The following NCOA6 variants were observed in gnomAD, a reference collection of about 807,000 sequenced individuals.
NCOA6 encodes the protein nuclear receptor coactivator 6.
Under a neutral mutation model 171.4 loss-of-function variants are expected in NCOA6, and 49 were observed. The observed-to-expected ratio is 0.29, with a 90% CI of 0.23 to 0.36. The LOEUF is 0.36. Among genes scored for constraint, NCOA6 ranks in the 10% least tolerant of loss-of-function variants. NCOA6 has a pLI of 1.00. For missense variants in NCOA6, 2,248 were observed against 2,554.5 expected (o/e 0.88, Z 2.59); for synonymous variants, 910 against 927.5 (o/e 0.98, Z 0.34).
chr20:34,817,855 TC>T (rs1265214708), intron 1 of NCOA6, among the ~76,000 whole-genome samples: 1 of 152,172 alleles, frequency 6.6e-6, no homozygotes, highest in Non-Finnish European at 1.5e-5. Flanking sequence ...AGGCTTCCTT[TC>T]CTAACGTACA....
chr20:34,808,485 C>CTGGA (rs1428207375), intron 1 of NCOA6, among the ~76,000 whole-genome samples: 1 of 143,006 alleles, frequency 7.0e-6, no homozygotes, highest in African/African-American at 2.6e-5. Context: ...GTTGCTCAGG[C>CTGGA]TGGAGTGCAA....
At chr20:34,778,181 C>T (rs997181070) in intron 3 of NCOA6, among the ~76,000 whole-genome samples, 6 of 152,204 alleles carry the variant, frequency 3.9e-5, no homozygotes, top group Admixed American at 2.6e-4. Context: ...GGATTACAGG[C>T]GTGAGCCACT....
chr20:34,796,003 A>ATTTTTT (rs569229378), intron 1 of NCOA6, among the ~76,000 whole-genome samples: 25 of 95,764 alleles, frequency 2.6e-4, no homozygotes, highest in Non-Finnish European at 3.9e-4. Flanking sequence ...ATATGTTTGA[A>ATTTTTT]TTTTTTTTTT....
chr20:34,727,196 G>A, intron 14 of NCOA6, 63 bp downstream of exon 14: 1 of 1,551,714 alleles, frequency 6.4e-7, no homozygotes, highest in Non-Finnish European at 8.8e-7. Context: ...GTCTTCTACT[G>A]CTGTGGTAAG....
Position 34,750,465 on chromosome 20 carries a change from G to C in NCOA6, c.1730C>G (p.Pro577Arg). The C allele has an allele frequency of 1.2e-6, 2 of 1,613,512 alleles. No individual in the cohort carries two copies. The highest frequency in any genetic ancestry group is 1.7e-6 in the Non-Finnish European group (2 of 1,179,722). ...QNQMQVSHGPPNMMQPSLMGI... is the reference protein window; with the variant it reads ...QNQMQVSHGPRNMMQPSLMGI... The stretch of plus-strand genomic sequence containing the variant: ...CATGAGGCTGGGCTGCATCATATTT[G>C]GCGGCCCGTGGGACACCTGCATCTG... The change falls in exon 9 of 15, where the codon CCA becomes CGA. Residue 577 changes from proline (P) to arginine (R), a missense_variant. Transcript: ENST00000359003.
chr20:34,735,642 CAAA>C (rs1331763668), intron 12 of NCOA6, among the ~76,000 whole-genome samples: 1 of 109,958 alleles, frequency 9.1e-6, no homozygotes. Context: ...AACTCCATCT[CAAA>C]AAAAAAAAAA....
chr20:34,775,371 A>G (rs1314286371), intron 4 of NCOA6, among the ~76,000 whole-genome samples: 2 of 152,048 alleles, frequency 1.3e-5, no homozygotes. Flanking sequence ...TCATTTTGAA[A>G]AAGATCATTC....
At chr20:34,743,492 C>T (rs922647131) in intron 10 of NCOA6, 151 bp from the exon 11 acceptor site, 7 of 785,174 alleles carry the variant, frequency 8.9e-6, no homozygotes, top group Admixed American at 5.7e-5. Context: ...GGGGCAGCCC[C>T]TCATTACTTG....
chr20:34,795,023 T>C (rs1406025149), intron 1 of NCOA6, among the ~76,000 whole-genome samples: 2 of 152,194 alleles, frequency 1.3e-5, no homozygotes, highest in African/African-American at 2.4e-5. Context: ...ATAAGCAATT[T>C]ACAGCCTTTT....
At chr20:34,800,460 AG>A (rs910635185) in intron 1 of NCOA6, among the ~76,000 whole-genome samples, 49 of 152,272 alleles carry the variant, frequency 3.2e-4, no homozygotes, top group African/African-American at 1.1e-3. Context: ...ACAGAAAACA[AG>A]ACCCAATGAT....
intron 4 of NCOA6, among the ~76,000 whole-genome samples, chr20:34,773,914 G>A (rs896213770): frequency 6.6e-6 from 1 of 152,184 alleles, no homozygotes; most frequent in African/African-American, 2.4e-5. Context: ...GAATTCCCAG[G>A]AGCATGGGAA....
At chr20:34,771,605 C>A (rs2077153429) in intron 4 of NCOA6, among the ~76,000 whole-genome samples, 1 of 152,142 alleles carries the variant, frequency 6.6e-6, no homozygotes. Context: ...CATATTTAGC[C>A]CTGTCTACCT....
chr20:34,766,135 C>T (rs1159097051), intron 5 of NCOA6, among the ~76,000 whole-genome samples: 1 of 152,106 alleles, frequency 6.6e-6, no homozygotes, highest in East Asian at 1.9e-4. Flanking sequence ...CTAAAATATG[C>T]TTGGCAGTAA....
At position 34,727,357 on chromosome 20, in the gene NCOA6, T is replaced by C. The variant is rs2147025345; in HGVS notation, c.6050A>G (p.Asn2017Ser). ...VEKSKIPGRR[N>S]SRTEEPTVAS... is the part of the protein sequence containing the mutation. ...CACAGTTGGCTCTTCAGTTCGGGAG[T>C]TTCTTCGGCCTGGGATTTTGGACTT... Residue 2017 changes from asparagine to serine, a missense_variant, in exon 14 of 15, where the codon AAC becomes AGC. Physicochemically the swap from Asn to Ser is conservative, Grantham distance 46. Around this residue, in one of 7 missense-constraint regions of NCOA6, gnomAD observed 884 missense variants for 941.9 expected, o/e 0.94. Transcript: ENST00000359003. 1 of 1,613,984 alleles carries C rather than the reference T, an allele frequency of 6.2e-7. No homozygotes were observed. The highest frequency in any genetic ancestry group is 8.5e-7 in the Non-Finnish European group (1 of 1,180,012).
intron 13 of NCOA6, among the ~76,000 whole-genome samples, chr20:34,728,210 A>G (rs1990200191): frequency 6.6e-6 from 1 of 152,224 alleles, no homozygotes; most frequent in Non-Finnish European, 1.5e-5. Flanking sequence ...GTAGAGTCAG[A>G]TAACAGCATA....
At chr20:34,819,383 G>C (rs1262382289) in intron 1 of NCOA6, 1 of 152,178 alleles carries the variant, frequency 6.6e-6, no homozygotes, top group Non-Finnish European at 1.5e-5. Flanking sequence ...GGTTAAGTCA[G>C]AAACTCAGAG....
intron 14 of NCOA6, 44 bp from the exon 15 acceptor site, chr20:34,715,409 A>AC (rs746232259): frequency 7.0e-6 from 10 of 1,432,900 alleles, no homozygotes; most frequent in Admixed American, 1.7e-5. Flanking sequence ...GTAACTCTTT[A>AC]CAGCAGTGCC....
At chr20:34,770,054 T>C (rs909975022) in intron 4 of NCOA6, among the ~76,000 whole-genome samples, 3 of 151,998 alleles carry the variant, frequency 2.0e-5, no homozygotes, top group African/African-American at 7.3e-5. Flanking sequence ...CTTTTTTTTT[T>C]TTTTGAGATG....
intron 13 of NCOA6, among the ~76,000 whole-genome samples, chr20:34,729,108 G>A (rs889979882): frequency 4.6e-5 from 7 of 152,044 alleles, no homozygotes; most frequent in Non-Finnish European, 7.4e-5. Flanking sequence ...GCGCCACCAC[G>A]CCTGGCTAAT....
Sources: gnomAD v4.1 joint callset for allele counts (sites outside exome capture counted in the v4.1 genomes callset) on GRCh38, gnomAD v4.1.1 for gene constraint, gnomAD v4.1.1 regional missense constraint, MANE v1.5 for transcripts, NCBI Gene and HGNC (gene_info 2026-07-23, HGNC 2026-07-21) for gene names.